The following CHODL variants were observed in gnomAD, a reference collection of about 807,000 sequenced individuals.
The protein encoded by CHODL is transmembrane protein MT75.
CHODL carries 29 observed loss-of-function variants against 34.5 expected under a neutral mutation model. The ratio of observed to expected loss-of-function variants is 0.84; its 90% confidence interval spans 0.63 to 1.15. The LOEUF is 1.15. Ranked by LOEUF, CHODL falls within the 50% of genes most tolerant of loss-of-function variation. CHODL has a pLI of 0.00. For synonymous variants in CHODL, 125 were observed against 116.1 expected, an observed-to-expected ratio of 1.08 and a Z score of -0.49; for missense variants, 332 against 332.5, an observed-to-expected ratio of 1.00 and a Z score of 0.01.
At chr21:17,927,063 T>C (rs2063230570) in intron 1 of CHODL, among the ~76,000 whole-genome samples, 1 of 150,798 alleles carries the variant, frequency 6.6e-6, no homozygotes, top group African/African-American at 2.4e-5. Context: ...TGTGTATATG[T>C]ATGTATATGT....
chr21:18,174,098 GAT>G (rs10549862), intron 2 of CHODL, among the ~76,000 whole-genome samples: 89,273 of 94,560 alleles, frequency 0.94, 42,885 homozygotes, highest in African/African-American at 0.97. Context: ...ACAAATACAG[GAT>G]ATATATATAT....
intron 1 of CHODL, among the ~76,000 whole-genome samples, chr21:18,254,335 G>C (rs988502317): frequency 1.3e-5 from 2 of 151,604 alleles, no homozygotes; most frequent in African/African-American, 4.9e-5. Flanking sequence ...AAAGTAATTT[G>C]TCTAAATTTT....
At chr21:18,018,786 C>G (rs967791599) in intron 1 of CHODL, among the ~76,000 whole-genome samples, 1 of 152,170 alleles carries the variant, frequency 6.6e-6, no homozygotes, top group Non-Finnish European at 1.5e-5. Flanking sequence ...TATTTTTGCA[C>G]CAGCCTACAG....
At position 18,266,620 on chromosome 21, in the gene CHODL, C is replaced by G. The variant is rs1394259393; in HGVS notation, c.*582C>G. ...TTTCTCGAAATAATTCATCTTTCAG[C>G]TTCTCTGCTTTTGGTCAATGTCTAG... is the stretch of plus-strand genomic sequence containing the variant. On this transcript the variant is annotated 3_prime_UTR_variant, in exon 6 of 6. Coordinates refer to ENST00000299295, the MANE Select transcript of CHODL (RefSeq NM_024944.3). The G allele has an allele frequency of 6.5e-6, 1 of 153,522 alleles. No individual in the cohort carries two copies. The highest frequency in any genetic ancestry group is 6.5e-5 in the Admixed American group (1 of 15,352). 9.5% of individuals were successfully genotyped at this position (153,522 alleles called of 1,614,324 possible).
chr21:18,240,865 G>C (rs2074075347), upstream of CHODL, among the ~76,000 whole-genome samples: 1 of 152,148 alleles, frequency 6.6e-6, no homozygotes, highest in Admixed American at 6.5e-5. Flanking sequence ...TGAATGATCA[G>C]AGCATGCAAC....
chr21:18,187,088 A>G (rs2073451466), intron 2 of CHODL, among the ~76,000 whole-genome samples: 1 of 152,190 alleles, frequency 6.6e-6, no homozygotes, highest in South Asian at 2.1e-4. Flanking sequence ...AAGCAAGGTA[A>G]AAATGCAAAG....
intron 1 of CHODL, among the ~76,000 whole-genome samples, chr21:17,970,691 C>A (rs1226854284): frequency 6.6e-6 from 1 of 151,846 alleles, no homozygotes; most frequent in East Asian, 1.9e-4. Context: ...TTTGCTACAC[C>A]CATCACTTGA....
At chr21:17,933,147 G>A (rs1420262509) in intron 1 of CHODL, among the ~76,000 whole-genome samples, 1 of 152,096 alleles carries the variant, frequency 6.6e-6, no homozygotes, top group African/African-American at 2.4e-5. Flanking sequence ...ACATACAATC[G>A]GGTTTTACAC....
chr21:18,121,719 T>C (rs1040426830), intron 2 of CHODL, among the ~76,000 whole-genome samples: 14 of 152,158 alleles, frequency 9.2e-5, no homozygotes, highest in African/African-American at 3.1e-4. Context: ...CAATCCTTTT[T>C]TCTTGTAGAG....
At chr21:18,230,661 C>T (rs1190189885) in intron 2 of CHODL, among the ~76,000 whole-genome samples, 4 of 151,972 alleles carry the variant, frequency 2.6e-5, no homozygotes, top group Non-Finnish European at 5.9e-5. Flanking sequence ...AGTGGCATTT[C>T]ATAAATATAA....
At chr21:18,095,160 G>A (rs369427356) in intron 2 of CHODL, among the ~76,000 whole-genome samples, 12 of 151,510 alleles carry the variant, frequency 7.9e-5, no homozygotes, top group Middle Eastern at 6.8e-3. Context: ...TAATAAAAGA[G>A]CATAAATAAA....
At chr21:18,162,830 A>C (rs1227350506) in intron 2 of CHODL, among the ~76,000 whole-genome samples, 1 of 152,146 alleles carries the variant, frequency 6.6e-6, no homozygotes, top group Non-Finnish European at 1.5e-5. Context: ...TTTTCAAGAT[A>C]GAGTCTCACT....
At chr21:18,127,248 T>A (rs2065557855) in intron 2 of CHODL, among the ~76,000 whole-genome samples, 1 of 152,188 alleles carries the variant, frequency 6.6e-6, no homozygotes, top group Admixed American at 6.5e-5. Flanking sequence ...CAACTCTGGA[T>A]ATACTAAACG....
chr21:18,151,704 A>G (rs1246509564), intron 2 of CHODL, among the ~76,000 whole-genome samples: 1 of 152,136 alleles, frequency 6.6e-6, no homozygotes, highest in African/African-American at 2.4e-5. Context: ...TGCTATTTCT[A>G]GGTAGATAGT....
At chr21:18,034,273 C>T (rs1448175564) in intron 2 of CHODL, among the ~76,000 whole-genome samples, 1 of 151,980 alleles carries the variant, frequency 6.6e-6, no homozygotes, top group Non-Finnish European at 1.5e-5. Flanking sequence ...TGTTAGAAAA[C>T]ATAAGAGTTT....
chr21:18,100,543 A>T (rs903238096), intron 2 of CHODL, among the ~76,000 whole-genome samples: 2 of 152,130 alleles, frequency 1.3e-5, no homozygotes, highest in African/African-American at 4.8e-5. Flanking sequence ...ATAGATAAGT[A>T]TTGGTTTAAG....
chr21:18,039,106 G>T (rs1399751193), intron 2 of CHODL, among the ~76,000 whole-genome samples: 1 of 151,560 alleles, frequency 6.6e-6, no homozygotes, highest in African/African-American at 2.4e-5. Context: ...TTAGTTTAGT[G>T]ATAATTCTGA....
chr21:18,122,411 G>GT (rs1280650879), intron 2 of CHODL, among the ~76,000 whole-genome samples: 6 of 152,282 alleles, frequency 3.9e-5, no homozygotes, highest in African/African-American at 1.4e-4. Context: ...TTTGAGCAGT[G>GT]TAAGGGGAAA....
chr21:18,215,061 T>A (rs1256722272), intron 2 of CHODL, among the ~76,000 whole-genome samples: 1 of 152,132 alleles, frequency 6.6e-6, no homozygotes, highest in Non-Finnish European at 1.5e-5. Context: ...TAAATAATTT[T>A]CACAAAGAAG....
Sources: gnomAD v4.1 joint callset for allele counts (sites outside exome capture counted in the v4.1 genomes callset) on GRCh38, gnomAD v4.1.1 for gene constraint, MANE v1.5 for transcripts, NCBI Gene and HGNC (gene_info 2026-07-23, HGNC 2026-07-21) for gene names.